Variants in GREB1 observed in about 807,000 individuals in gnomAD.
GREB1 encodes protein GREB1.
In GREB1, 106 loss-of-function variants were observed where a neutral mutation model predicts 200.7. That is an observed-to-expected ratio of 0.53 (90% CI 0.45 to 0.62). GREB1 has a LOEUF of 0.62. Among genes scored for constraint, GREB1 ranks in the 20% least tolerant of loss-of-function variants. GREB1 has a pLI of 0.00. For missense variants in GREB1, 2,243 were observed against 2,556.8 expected, an observed-to-expected ratio of 0.88 and a Z score of 2.65; for synonymous variants, 1,132 against 1,092.4, an observed-to-expected ratio of 1.04 and a Z score of -0.72.
At chr2:11,497,788 T>C (rs906405395) in intron 1 of GREB1, among the ~76,000 whole-genome samples, 2 of 152,104 alleles carry the variant, frequency 1.3e-5, no homozygotes, top group Non-Finnish European at 2.9e-5. Context: ...AAACATCTCT[T>C]CATGTCTTTC....
In GREB1 at chr2:11,592,974, G is replaced by A; in HGVS notation, c.1544G>A (p.Ser515Asn). ...CTGGCCGCCAGCTCCTGCAACGACA[G>A]CGTGCACGTCATCGAGTGTGCTTAC... ...ASLAASSCND[S>N]VHVIECAYSL... Residue 515 changes from serine (S) to asparagine (N), a missense_variant, in exon 11 of 33, where the codon AGC becomes AAC. Around this residue, in one of 3 missense-constraint regions of GREB1, gnomAD observed 1,178 missense variants for 1,387.4 expected, o/e 0.85. Coordinates refer to ENST00000381486, the MANE Select transcript of GREB1 (RefSeq NM_014668.4). The A allele has an allele frequency of 6.2e-7, 1 of 1,603,018 alleles. No individual in the cohort carries two copies. Among genetic ancestry groups the A allele is most frequent in the Non-Finnish European group, 8.5e-7 (1 of 1,174,504 alleles).
chr2:11,525,872 C>T (rs539420387), intron 1 of GREB1, among the ~76,000 whole-genome samples: 223 of 152,322 alleles, frequency 1.5e-3, no homozygotes, highest in Non-Finnish European at 2.4e-3. Flanking sequence ...TTGCTTTCCC[C>T]ATGCTCTGCC....
At chr2:11,612,425 G>A (rs1317444588) in intron 18 of GREB1, 70 bp from the exon 19 acceptor site, 3 of 1,508,676 alleles carry the variant, frequency 2.0e-6, no homozygotes, top group Non-Finnish European at 2.7e-6. Context: ...GAGGCCATCA[G>A]GATTCCTCTG....
chr2:11,625,193 G>C lies in GREB1; in HGVS notation c.4187G>C (p.Ser1396Thr). 1 of 1,614,022 alleles carries C rather than the reference G, an allele frequency of 6.2e-7. No homozygotes were observed. ...EESDWHYLQL[S>T]DPWPDLELFK... is the part of the protein sequence containing the mutation. The stretch of plus-strand genomic sequence containing the variant: ...TCTGACTGGCATTATCTCCAGCTTA[G>C]CGACCCCTGGCCAGACCTGGAGCTG... The change falls in exon 24 of 33, where the codon AGC becomes ACC. Residue 1396 changes from serine (S) to threonine (T), a missense_variant. This residue lies in a region of GREB1 where 587 missense variants were observed against 553.1 expected (regional missense o/e 1.06). Transcript: ENST00000381486.
chr2:11,608,478 C>CAACATCTGTTGGGTGTTATAT (rs1572904317), intron 17 of GREB1, among the ~76,000 whole-genome samples: 1 of 152,074 alleles, frequency 6.6e-6, no homozygotes, highest in Non-Finnish European at 1.5e-5. Context: ...GTTAATTTTA[C>CAACATCTGTTGGGTGTTATAT]CTTGTTGGGT....
chr2:11,524,232 A>G (rs1572589213), intron 1 of GREB1, among the ~76,000 whole-genome samples: 1 of 152,344 alleles, frequency 6.6e-6, no homozygotes, highest in South Asian at 2.1e-4. Context: ...CCTGGTGAAG[A>G]GGAAAGAGCT....
chr2:11,639,309 G>A (rs926406777), intron 32 of GREB1, among the ~76,000 whole-genome samples: 35 of 152,176 alleles, frequency 2.3e-4, no homozygotes, highest in Middle Eastern at 3.4e-3. Flanking sequence ...GGCTGGTCTC[G>A]AACTCCCGAC....
chr2:11,516,124 C>T (rs77598086), intron 1 of GREB1, among the ~76,000 whole-genome samples: 266 of 152,274 alleles, frequency 1.7e-3, no homozygotes, highest in African/African-American at 6.0e-3. Context: ...GTCTCACACC[C>T]GATCTTTAGA....
chr2:11,516,501 G>A (rs1558495075), intron 1 of GREB1, among the ~76,000 whole-genome samples: 1 of 152,090 alleles, frequency 6.6e-6, no homozygotes. Flanking sequence ...ATCACCCAGG[G>A]GCTTCAAACC....
At position 11,598,642 on chromosome 2, in the gene GREB1, A is replaced by C. The variant is rs774260188; in HGVS notation, c.2153-38A>C. 14 of 1,593,962 alleles carry C rather than the reference A, an allele frequency of 8.8e-6. No homozygotes were observed. The East Asian group carries it at 1.3e-4, about 15-fold the overall frequency. ...GTTGAGTGAATGAAACCCAGTGCGC[A>C]TGTTTGCAGTTACTGATGTATGTTC... On this transcript the variant is annotated intron_variant, in intron 14 of 32. Transcript: ENST00000381486.
At chr2:11,582,504 C>T (rs370569255) in intron 7 of GREB1, among the ~76,000 whole-genome samples, 4 of 152,330 alleles carry the variant, frequency 2.6e-5, no homozygotes, top group Admixed American at 2.0e-4. Context: ...CCTATTAAAT[C>T]GCCTTTCTGA....
intron 11 of GREB1, 28 bp from the exon 12 acceptor site, chr2:11,595,223 G>A: frequency 6.3e-7 from 1 of 1,598,238 alleles, no homozygotes; most frequent in Non-Finnish European, 8.5e-7. Flanking sequence ...AGATACAATG[G>A]GTACTGTGAA....
At position 11,593,053 on chromosome 2, in the gene GREB1, T is replaced by C. The variant is rs375064478; in HGVS notation, c.1623T>C (p.Leu541=). The C allele has an allele frequency of 6.2e-7, 1 of 1,612,840 alleles. No individual in the cohort carries two copies. Among genetic ancestry groups the C allele is most frequent in the Non-Finnish European group, 8.5e-7 (1 of 1,179,674 alleles). The change falls in exon 11 of 33, where the codon CTT becomes CTC. Residue 541 remains leucine (L), a synonymous_variant. Coordinates refer to ENST00000381486, the MANE Select transcript of GREB1 (RefSeq NM_014668.4). ...EMFRLLVEGK[L]AKTNYVVIIC... ...TCCGGCTGTTGGTCGAGGGCAAGCT[T>C]GCCAAGACCAACTACGTGGTCATCA...
chr2:11,515,498 T>C (rs16857564), intron 1 of GREB1, among the ~76,000 whole-genome samples: 6,402 of 152,286 alleles, frequency 0.042, 470 homozygotes, highest in African/African-American at 0.15. Context: ...TCTTTTTCCA[T>C]TGTGTTTCTG....
In GREB1 at chr2:11,624,431, G is replaced by A. The variant is rs1684269384; in HGVS notation, c.4148-723G>A. Reference sequence around the variant, plus strand: ...GAGATCTCAGCTCACTGCAACCTCCGCCTCCTGGGTTCAAGTCATTCTCCT... The same window carrying A: ...GAGATCTCAGCTCACTGCAACCTCCACCTCCTGGGTTCAAGTCATTCTCCT... On this transcript the variant is annotated intron_variant, in intron 23 of 32. Transcript: ENST00000381486. Among the ~76,000 whole-genome samples, 9 of 142,964 alleles carry A rather than the reference G, an allele frequency of 6.3e-5. No individual in the cohort carries two copies. The Admixed American group carries it at 6.6e-4, about 11-fold the overall frequency. 93.8% of individuals were successfully genotyped at this position (142,964 alleles called of 152,430 possible).
intron 1 of GREB1, among the ~76,000 whole-genome samples, chr2:11,524,515 T>C (rs1015516925): frequency 2.0e-5 from 3 of 152,248 alleles, no homozygotes; most frequent in African/African-American, 7.2e-5. Context: ...TAGCCACCTC[T>C]GCAGGATTGT....
intron 25 of GREB1, among the ~76,000 whole-genome samples, chr2:11,627,457 C>A (rs1325195005): frequency 6.6e-6 from 1 of 152,212 alleles, no homozygotes; most frequent in Non-Finnish European, 1.5e-5. Context: ...AACTCTGTCC[C>A]CATCCTCCAT....
chr2:11,571,995 G>A (rs922103487), intron 4 of GREB1, among the ~76,000 whole-genome samples: 6 of 152,240 alleles, frequency 3.9e-5, no homozygotes, highest in Admixed American at 1.3e-4. Flanking sequence ...ACAGGCGTGA[G>A]CCACCACGCC....
At position 11,618,377 on chromosome 2, in the gene GREB1, G is replaced by A. The variant is rs367781781; in HGVS notation, c.3502G>A (p.Glu1168Lys). Reference sequence around the variant, plus strand: ...GTCGCCCCAGCCCCGTGGCCCCGCAGAGGAGGGCAGAGCCCCTGGTGAGAA... The same window carrying A: ...GTCGCCCCAGCCCCGTGGCCCCGCAAAGGAGGGCAGAGCCCCTGGTGAGAA... ...ARSPQPRGPAEEGRAPGEKQR... is the reference protein window; with the variant it reads ...ARSPQPRGPAKEGRAPGEKQR... Residue 1168 changes from glutamate (E) to lysine (K), a missense_variant, in exon 22 of 33, where the codon GAG becomes AAG. Glu to Lys is a moderately conservative substitution (Grantham distance 56, BLOSUM62 1). Transcript: ENST00000381486. The A allele has an allele frequency of 1.9e-6, 3 of 1,611,746 alleles. No homozygotes were observed. Among genetic ancestry groups the A allele is most frequent in the Non-Finnish European group, 2.5e-6 (3 of 1,179,302 alleles).
Sources: allele counts gnomAD v4.1 joint callset (sites outside exome capture counted in the v4.1 genomes callset), GRCh38; gene constraint gnomAD v4.1.1; regional missense constraint gnomAD v4.1.1; transcripts MANE v1.5; gene names NCBI Gene and HGNC (gene_info 2026-07-23, HGNC 2026-07-21).